Variants in SLC35A1 observed in about 807,000 individuals in gnomAD.
SLC35A1 encodes the protein CMP-sialic acid transporter.
SLC35A1 carries 21 observed loss-of-function variants against 40.3 expected under a neutral mutation model. That is an observed-to-expected ratio of 0.52 (90% CI 0.37 to 0.75). SLC35A1 has a LOEUF of 0.75. Ranked by LOEUF, SLC35A1 falls within the 30% of genes least tolerant of loss-of-function variation. SLC35A1 has a pLI of 0.00. For synonymous variants in SLC35A1, 146 were observed against 147.3 expected, an observed-to-expected ratio of 0.99 and a Z score of 0.06; for missense variants, 297 against 382.1, an observed-to-expected ratio of 0.78 and a Z score of 1.86.
chr6:87,494,365 A>C (rs1377743181), intron 2 of SLC35A1, among the ~76,000 whole-genome samples: 1 of 152,094 alleles, frequency 6.6e-6, no homozygotes, highest in Non-Finnish European at 1.5e-5. Flanking sequence ...GCAGATTAGC[A>C]GTTGGATATT....
intron 2 of SLC35A1, among the ~76,000 whole-genome samples, chr6:87,485,991 T>A (rs1718481252): frequency 6.6e-6 from 1 of 152,238 alleles, no homozygotes; most frequent in South Asian, 2.1e-4. Context: ...TAAAAGCTTC[T>A]TCCTTTTTGC....
intron 2 of SLC35A1, among the ~76,000 whole-genome samples, chr6:87,483,011 T>A (rs1769287300): frequency 6.6e-6 from 1 of 152,198 alleles, no homozygotes; most frequent in African/African-American, 2.4e-5. Flanking sequence ...GTGATCTCAG[T>A]GCTTTCAGGC....
intron 4 of SLC35A1, among the ~76,000 whole-genome samples, chr6:87,501,899 A>G (rs909352457): frequency 6.6e-6 from 1 of 152,120 alleles, no homozygotes; most frequent in Non-Finnish European, 1.5e-5. Flanking sequence ...GCTAAGATAC[A>G]TACATGATTT....
chr6:87,505,727 C>G (rs1770059339), intron 4 of SLC35A1, among the ~76,000 whole-genome samples: 1 of 152,134 alleles, frequency 6.6e-6, no homozygotes, highest in Non-Finnish European at 1.5e-5. Context: ...AAACCTGCTC[C>G]CTCAATAACT....
chr6:87,488,238 C>G (rs1769443635), intron 2 of SLC35A1: 1 of 152,098 alleles, frequency 6.6e-6, no homozygotes, highest in Admixed American at 6.6e-5. Flanking sequence ...AGTATTTAAT[C>G]TCATGGAATT....
Position 87,496,849 on chromosome 6 carries a change from C to A in SLC35A1, c.195-3659C>A, listed in dbSNP as rs1014282962. The stretch of plus-strand genomic sequence containing the variant: ...TTCCGGAAAATGGAAGAAAAAGTAA[C>A]CTTTTTACAATATATTACAGTATAT... On this transcript the variant is annotated intron_variant, in intron 2 of 7. Transcript: ENST00000369552. 2.0e-5 allele frequency among the ~76,000 whole-genome samples: 3 copies of A among 149,238 alleles called. No individual in the cohort carries two copies. The South Asian group carries it at 6.4e-4, about 32-fold the overall frequency.
At chr6:87,511,276 C>CCAT (rs1387855390) in intron 7 of SLC35A1, 123 bp from the exon 8 acceptor site, 1 of 1,035,388 alleles carries the variant, frequency 9.7e-7, no homozygotes, top group Non-Finnish European at 1.5e-6. Flanking sequence ...CTAAACCTTG[C>CCAT]CATCATAAAA....
At chr6:87,504,919 T>C (rs1215240176) in intron 4 of SLC35A1, among the ~76,000 whole-genome samples, 1 of 152,232 alleles carries the variant, frequency 6.6e-6, no homozygotes, top group Non-Finnish European at 1.5e-5. Flanking sequence ...AGTATACTTG[T>C]TAATAATGTA....
At chr6:87,501,054 T>C (rs1769909329) in intron 3 of SLC35A1, 104 bp from the exon 4 acceptor site, 1 of 1,182,176 alleles carries the variant, frequency 8.5e-7, no homozygotes, top group Admixed American at 1.8e-5. Context: ...CCGGCCATTA[T>C]CAAATATTTT....
At chr6:87,505,524 C>T (rs562393505) in intron 4 of SLC35A1, among the ~76,000 whole-genome samples, 77 of 152,254 alleles carry the variant, frequency 5.1e-4, no homozygotes, top group African/African-American at 1.8e-3. Context: ...TATCTTAGTC[C>T]ATTTTCTGCT....
chr6:87,501,035 C>A, intron 3 of SLC35A1, 123 bp from the exon 4 acceptor site: 1 of 963,562 alleles, frequency 1.0e-6, no homozygotes, highest in Non-Finnish European at 1.6e-6. Flanking sequence ...CAGGTGTGAG[C>A]CACCGTGCCC....
At chr6:87,475,129 T>C (rs1045237198) in intron 1 of SLC35A1, among the ~76,000 whole-genome samples, 1 of 152,130 alleles carries the variant, frequency 6.6e-6, no homozygotes, top group Admixed American at 6.5e-5. Context: ...TCTGCTGTTG[T>C]AGGGAAAAAA....
At chr6:87,508,255 T>C (rs1770148569) in intron 5 of SLC35A1, among the ~76,000 whole-genome samples, 165 bp from the exon 6 acceptor site, 1 of 152,140 alleles carries the variant, frequency 6.6e-6, no homozygotes, top group South Asian at 2.1e-4. Context: ...ATGTACAGTA[T>C]GTCATGTGTC....
At chr6:87,493,462 TTGTGTG>T (rs71018022) in intron 2 of SLC35A1, among the ~76,000 whole-genome samples, 45 of 150,428 alleles carry the variant, frequency 3.0e-4, no homozygotes, top group African/African-American at 1.0e-3. Flanking sequence ...CTAAATCTAG[TTGTGTG>T]TGTGTGTGTG....
chr6:87,473,069 G>A (rs1768962518), intron 1 of SLC35A1, 50 bp downstream of exon 1: 1 of 463,694 alleles, frequency 2.2e-6, no homozygotes, highest in Non-Finnish European at 3.7e-6. Context: ...GGCGGCGGCG[G>A]GCGAGCATCT....
chr6:87,504,229 T>C (rs9444510), intron 4 of SLC35A1, among the ~76,000 whole-genome samples: 57,860 of 149,952 alleles, frequency 0.39, 11,186 homozygotes, highest in Admixed American at 0.47. Flanking sequence ...AGGTTGAGGC[T>C]GTAGTGAACC....
Position 87,508,457 on chromosome 6 carries a change from T to C in SLC35A1, c.612T>C (p.Thr204=), listed in dbSNP as rs1158176098. ...AAAAAGTTTTAAAGAGTTCAGATAC[T>C]TCTCTTTGGGTGAGAAACATTCAAA... The part of the protein sequence containing the change: ...YFEKVLKSSD[T]SLWVRNIQMY... The change falls in exon 6 of 8, where the codon ACT becomes ACC. Residue 204 remains threonine, a synonymous_variant. Coordinates refer to ENST00000369552, the MANE Select transcript of SLC35A1 (RefSeq NM_006416.5). 1 of 1,611,360 alleles carries C rather than the reference T, an allele frequency of 6.2e-7. No individual in the cohort carries two copies. The highest frequency in any genetic ancestry group is 1.1e-5 in the South Asian group (1 of 90,944).
At chr6:87,503,385 T>G (rs898534244) in intron 4 of SLC35A1, among the ~76,000 whole-genome samples, 1 of 152,198 alleles carries the variant, frequency 6.6e-6, no homozygotes, top group Non-Finnish European at 1.5e-5. Flanking sequence ...TTTTGTTCAA[T>G]TAACTACCAT....
chr6:87,495,157 G>A (rs1330071677), intron 2 of SLC35A1, among the ~76,000 whole-genome samples: 2 of 152,066 alleles, frequency 1.3e-5, no homozygotes, highest in African/African-American at 4.8e-5. Context: ...ATGGGGTTTC[G>A]CCATGTTGTC....
Sources: allele counts gnomAD v4.1 joint callset (sites outside exome capture counted in the v4.1 genomes callset), GRCh38; gene constraint gnomAD v4.1.1; transcripts MANE v1.5; gene names NCBI Gene and HGNC (gene_info 2026-07-23, HGNC 2026-07-21).